The following TTC14 variants were observed in gnomAD, a reference collection of about 807,000 sequenced individuals.
The protein encoded by TTC14 is tetratricopeptide repeat domain 14, also known as tetratricopeptide repeat protein 14.
TTC14 carries 63 observed loss-of-function variants against 79.9 expected under a neutral mutation model. The ratio of observed to expected loss-of-function variants is 0.79; its 90% confidence interval spans 0.64 to 0.97. TTC14 has a LOEUF of 0.97. TTC14 is among the 50% of genes least tolerant of loss of function. The pLI is 0.00. For missense variants in TTC14, 895 were observed against 894.0 expected (o/e 1.00, Z -0.01); for synonymous variants, 335 against 309.6 (o/e 1.08, Z -0.86).
At position 180,602,222 on chromosome 3, in the gene TTC14, C is replaced by A. The variant is rs747864296; in HGVS notation, c.-40C>A. ...CAAGTAGCGGACACGGAACAGGGAA[C>A]TATCAGCCCGTCGGCCTCCGGGCCC... On this transcript the variant is annotated 5_prime_UTR_variant, in exon 1 of 12. Coordinates refer to ENST00000296015, the MANE Select transcript of TTC14 (RefSeq NM_133462.4). 1.4e-5 allele frequency: 22 copies of A among 1,608,304 alleles called. No individual in the cohort carries two copies. The highest frequency in any genetic ancestry group is 1.9e-5 in the Non-Finnish European group (22 of 1,177,302).
intron 1 of TTC14, 54 bp downstream of exon 1, chr3:180,602,476 G>T: frequency 6.6e-7 from 1 of 1,522,668 alleles, no homozygotes; most frequent in South Asian, 1.2e-5. Context: ...AGCTCTGGCA[G>T]CCACTACCGC....
chr3:180,609,661 TCTTC>T lies in TTC14; in HGVS notation c.1433_1436del (p.Ser478Ter). 6.3e-7 allele frequency: 1 copy of T among 1,575,684 alleles called. No individual in the cohort carries two copies. Among genetic ancestry groups the T allele is most frequent in the Non-Finnish European group, 8.6e-7 (1 of 1,167,192 alleles). ...GAAGAAAAGAAGAAAATCAACTTCT[TCTTC>T]AAGTGTTTCTTCTGCTGATGAATCA... is the stretch of plus-strand genomic sequence containing the variant. On this transcript the variant is annotated frameshift_variant, in exon 12 of 12. Coordinates refer to ENST00000296015, the MANE Select transcript of TTC14 (RefSeq NM_133462.4). LOFTEE classifies it high-confidence loss of function.
At position 180,602,416 on chromosome 3, in the gene TTC14, A is replaced by C. The variant is rs769030732; in HGVS notation, c.155A>C (p.Gln52Pro). 6.2e-7 allele frequency: 1 copy of C among 1,603,270 alleles called. No individual in the cohort carries two copies. The highest frequency in any genetic ancestry group is 8.5e-7 in the Non-Finnish European group (1 of 1,178,250). Reference protein sequence around the residue: ...ARGPPPQHPLQGRKEKRVDNI... With the variant: ...ARGPPPQHPLPGRKEKRVDNI... ...GGCCCGCCGCCCCAGCACCCGTTGC[A>C]GGGCAGGTAATGAGACGTTGGTGCC... The change falls in exon 1 of 12, where the codon CAG becomes CCG. Residue 52 changes from glutamine (Q) to proline (P), a missense_variant. Coordinates refer to ENST00000296015, the MANE Select transcript of TTC14 (RefSeq NM_133462.4).
At chr3:180,617,710 G>A in exon 13 of TTC14, 1 of 387,856 alleles carries the variant, frequency 2.6e-6, no homozygotes, top group Middle Eastern at 6.6e-4. Flanking sequence ...TAAGCTAAAT[G>A]TCATCACAAA....
chr3:180,603,429 CT>C (rs1560070928), intron 3 of TTC14, 106 bp downstream of exon 3: 1 of 977,046 alleles, frequency 1.0e-6, no homozygotes, highest in Non-Finnish European at 1.6e-6. Context: ...TGCCAAGATG[CT>C]TTTGGAAATT....
downstream of TTC14, among the ~76,000 whole-genome samples, chr3:180,612,955 T>G (rs371953738): frequency 7.2e-5 from 11 of 152,182 alleles, no homozygotes; most frequent in African/African-American, 1.4e-4. Flanking sequence ...AAAGAAGAGA[T>G]AAAAATGGCC....
chr3:180,606,984 T>C (rs1227202384), intron 9 of TTC14, among the ~76,000 whole-genome samples: 1 of 152,186 alleles, frequency 6.6e-6, no homozygotes, highest in Non-Finnish European at 1.5e-5. Context: ...ATTGATGTCT[T>C]TGAGCTGAGT....
rs775620632 is a variant in TTC14, at chr3:180,604,295, G to A, written c.557G>A (p.Gly186Asp). ...GATCCTTTATCATATTACCAAACTGGTGACATCATTCGAGGTGATTAGTTT... is the reference window on the plus strand; with the variant it reads ...GATCCTTTATCATATTACCAAACTGATGACATCATTCGAGGTGATTAGTTT... ...HGDPLSYYQT[G>D]DIIRAGIKDI... The change falls in exon 4 of 12, where the codon GGT becomes GAT. Residue 186 changes from glycine (G) to aspartate (D), a missense_variant. By Grantham distance (94) the Gly-to-Asp change is moderately conservative (BLOSUM62 -1). Coordinates refer to ENST00000296015, the MANE Select transcript of TTC14 (RefSeq NM_133462.4). 2 of 1,613,214 alleles carry A rather than the reference G, an allele frequency of 1.2e-6. No homozygotes were observed. Among genetic ancestry groups the A allele is most frequent in the Non-Finnish European group, 1.7e-6 (2 of 1,179,612 alleles).
Position 180,602,390 on chromosome 3 carries a change from G to T in TTC14, c.129G>T (p.Arg43=). The change falls in exon 1 of 12, where the codon CGG becomes CGT. Residue 43 remains arginine, a synonymous_variant. Transcript: ENST00000296015. ...SLLGSAAEPA[R]GPPPQHPLQG... ...TGGGGTCGGCCGCCGAGCCAGCCCG[G>T]GGCCCGCCGCCCCAGCACCCGTTGC... is the stretch of plus-strand genomic sequence containing the variant. 2 of 1,609,390 alleles carry T rather than the reference G, an allele frequency of 1.2e-6. No homozygotes were observed. Among genetic ancestry groups the T allele is most frequent in the Non-Finnish European group, 1.7e-6 (2 of 1,179,442 alleles).
In TTC14 at chr3:180,602,874, A is replaced by AT; in HGVS notation, c.162-10dup. 4.4e-6 allele frequency: 7 copies of AT among 1,595,324 alleles called. No homozygotes were observed. The highest frequency in any genetic ancestry group is 6.0e-6 in the Non-Finnish European group (7 of 1,174,158). Reference sequence around the variant, plus strand: ...TGCAGATAACCCAATTTTCATATATATTTTTTTCTTTTTAAGAAAAGAGAA... The same window carrying AT: ...TGCAGATAACCCAATTTTCATATATATTTTTTTTCTTTTTAAGAAAAGAGAA... On this transcript the variant is annotated splice_polypyrimidine_tract_variant and intron_variant, in intron 1 of 11. Transcript: ENST00000296015.
intron 3 of TTC14, 47 bp from the exon 4 acceptor site, chr3:180,604,178 T>C (rs1391786218): frequency 2.6e-6 from 4 of 1,514,564 alleles, no homozygotes; most frequent in Admixed American, 3.4e-5. Flanking sequence ...ACACTGTTCT[T>C]ATCAAAGCTT....
At position 180,605,069 on chromosome 3, in the gene TTC14, G is replaced by C. The variant is rs561771716; in HGVS notation, c.857+62G>C. 1.8e-5 allele frequency: 28 copies of C among 1,519,474 alleles called. 1 individual carries two copies. The South Asian group carries it at 2.4e-4, about 13-fold the overall frequency. 94.1% of individuals were successfully genotyped at this position (1,519,474 alleles called of 1,614,324 possible). On this transcript the variant is annotated intron_variant, in intron 6 of 11. Transcript: ENST00000296015. ...GAGTGGCAGTAAGCTCAGAAGCTGC[G>C]TTTAGCTGAAGGACGTATTTTACCA... is the stretch of plus-strand genomic sequence containing the variant.
In TTC14 at chr3:180,607,785, T is replaced by G; in HGVS notation, c.1290+20T>G. The G allele has an allele frequency of 6.3e-7, 1 of 1,599,614 alleles. No individual in the cohort carries two copies. Among genetic ancestry groups the G allele is most frequent in the South Asian group, 1.2e-5 (1 of 86,612 alleles). On this transcript the variant is annotated intron_variant, in intron 10 of 11. Coordinates refer to ENST00000296015, the MANE Select transcript of TTC14 (RefSeq NM_133462.4). ...ATGCAGGTGATTCCTTATTTCCTCT[T>G]AGAAATTTAGTGATATTTGAAATAA...
In TTC14 at chr3:180,602,187, C is replaced by A; in HGVS notation, c.-75C>A. The stretch of plus-strand genomic sequence containing the variant: ...CAGACAGTTTCTTCCGCTTCCTGTA[C>A]CACCCGGCTCAAGTAGCGGACACGG... On this transcript the variant is annotated 5_prime_UTR_variant, in exon 1 of 12. Coordinates refer to ENST00000296015, the MANE Select transcript of TTC14 (RefSeq NM_133462.4). 4 of 1,564,826 alleles carry A rather than the reference C, an allele frequency of 2.6e-6. No homozygotes were observed. The highest frequency in any genetic ancestry group is 1.2e-5 in the South Asian group (1 of 84,156).
In TTC14 at chr3:180,610,670, T is replaced by TG; in HGVS notation, c.*129dup. 1 of 1,428,206 alleles carries TG rather than the reference T, an allele frequency of 7.0e-7. No individual in the cohort carries two copies. Among genetic ancestry groups the TG allele is most frequent in the Non-Finnish European group, 9.1e-7 (1 of 1,095,240 alleles). 88.5% of individuals were successfully genotyped at this position (1,428,206 alleles called of 1,614,324 possible). A position where few individuals can be genotyped will look rare whatever the true frequency, so the allele number is the denominator to read the frequency against. On this transcript the variant is annotated 3_prime_UTR_variant, in exon 12 of 12. Coordinates refer to ENST00000296015, the MANE Select transcript of TTC14 (RefSeq NM_133462.4). ...ATTTGTAGAGATTACAGGAAACAAA[T>TG]GCTTTTAAGTAAGTTTTTCTCAAAT...
intron 10 of TTC14, chr3:180,608,054 T>C (rs1369286428): frequency 9.1e-7 from 1 of 1,095,894 alleles, no homozygotes. Flanking sequence ...TTATTGTTGC[T>C]ACTATAATTG....
At position 180,602,892 on chromosome 3, in the gene TTC14, AAAG is replaced by A. The variant is rs1376393401; in HGVS notation, c.165_167del (p.Glu56del). 1.2e-6 allele frequency: 2 copies of A among 1,601,848 alleles called. No individual in the cohort carries two copies. The highest frequency in any genetic ancestry group is 1.7e-6 in the Non-Finnish European group (2 of 1,177,058). ...CATATATATTTTTTTCTTTTTAAGA[AAAG>A]AGAAGAGAGTTGACAACATCGAGAT... On this transcript the variant is annotated inframe_deletion and splice_region_variant, in exon 2 of 12. Transcript: ENST00000296015.
chr3:180,604,795 T>C, intron 5 of TTC14, 57 bp from the exon 6 acceptor site: 2 of 1,524,568 alleles, frequency 1.3e-6, no homozygotes, highest in Non-Finnish European at 1.8e-6. Flanking sequence ...ATTTCTTTAC[T>C]AGAAATGGAA....
intron 11 of TTC14, 35 bp downstream of exon 11, chr3:180,608,845 G>A: frequency 7.1e-7 from 1 of 1,415,546 alleles, no homozygotes; most frequent in Non-Finnish European, 9.2e-7. Context: ...TAAACTTAAG[G>A]CAACTACTGA....
Sources: allele counts gnomAD v4.1 joint callset (sites outside exome capture counted in the v4.1 genomes callset), GRCh38; gene constraint gnomAD v4.1.1; transcripts MANE v1.5; gene names NCBI Gene and HGNC (gene_info 2026-07-23, HGNC 2026-07-21).